Variants in PRH2 observed in about 807,000 individuals in gnomAD.
PRH2 encodes the protein proline rich protein HaeIII subfamily 2.
In PRH2, 19 loss-of-function variants were observed where a neutral mutation model predicts 22.6. The observed-to-expected ratio is 0.84, with a 90% CI of 0.59 to 1.23. The LOEUF (loss-of-function observed/expected upper bound fraction) is 1.23, where lower values mean the gene tolerates loss of function less well. Among genes scored for constraint, PRH2 ranks in the 50% most tolerant of loss-of-function variants. The probability of loss-of-function intolerance (pLI) is 0.00; values close to 1 mark genes in which losing one functional copy is unlikely to be tolerated. For missense variants in PRH2, 109 were observed against 203.0 expected (o/e 0.54, Z 2.81); for synonymous variants, 45 against 72.0 (o/e 0.63, Z 1.90).
chr12:10,933,546 C>T lies in PRH2; in HGVS notation c.*1339C>T, dbSNP rs7305629. The stretch of plus-strand genomic sequence containing the variant: ...TTAAATGACCAAGCAGACTTGATTC[C>T]AGGAATGTTAAGGAATGTTCATTAT... On this transcript the variant is annotated 3_prime_UTR_variant, in exon 4 of 4. Coordinates refer to ENST00000396400, the MANE Select transcript of PRH2 (RefSeq NM_001110213.1). 0.97 allele frequency among the ~76,000 whole-genome samples: 148,053 copies of T among 152,128 alleles called. 72,151 individuals are homozygous for T. The highest frequency in any genetic ancestry group is 1 in the Middle Eastern group (294 of 294).
intron 3 of PRH2, 199 bp downstream of exon 3, chr12:10,931,279 A>G: frequency 8.7e-7 from 1 of 1,143,466 alleles, no homozygotes; most frequent in Non-Finnish European, 1.2e-6. Flanking sequence ...TCCAATTTTG[A>G]GAATCACTAT....
At chr12:10,931,215 T>A in intron 3 of PRH2, 135 bp downstream of exon 3, 1 of 1,503,706 alleles carries the variant, frequency 6.7e-7, no homozygotes. Context: ...TTTGTTCAAA[T>A]ATTCTGGGAT....
rs1665077716 is a variant in PRH2 at position 10,934,275 on chromosome 12, T to G, written c.*2068T>G. 1.3e-5 allele frequency among the ~76,000 whole-genome samples: 2 copies of G among 152,274 alleles called. No homozygotes were observed. Among genetic ancestry groups the G allele is most frequent in the South Asian group, 2.1e-4 (1 of 4,828 alleles). On this transcript the variant is annotated 3_prime_UTR_variant, in exon 4 of 4. Transcript: ENST00000396400. ...CCACAAGAGTTTGCAGCTCTGGCTT[T>G]CTTTCTGCTCATCTGTAAAGATAAC...
intron 3 of PRH2, among the ~76,000 whole-genome samples, chr12:10,931,796 A>C (rs1276539259): frequency 6.6e-6 from 1 of 151,148 alleles, no homozygotes; most frequent in Non-Finnish European, 1.5e-5. Context: ...GTTTATTTAG[A>C]TCTCTTCAGT....
chr12:10,933,760 C>T lies in PRH2; in HGVS notation c.*1553C>T, dbSNP rs1950246559. 1.3e-5 allele frequency among the ~76,000 whole-genome samples: 2 copies of T among 151,990 alleles called. No individual in the cohort carries two copies. Among genetic ancestry groups the T allele is most frequent in the African/African-American group, 4.8e-5 (2 of 41,396 alleles). On this transcript the variant is annotated 3_prime_UTR_variant, in exon 4 of 4. Transcript: ENST00000396400. ...TAGCTGCTAACCTTATGTGTATCTG[C>T]AACACCCTGAAAAATTATCTAATAA...
chr12:10,931,227 A>G (rs1257136209), intron 3 of PRH2, 147 bp downstream of exon 3: 1 of 1,477,898 alleles, frequency 6.8e-7, no homozygotes, highest in African/African-American at 1.4e-5. Context: ...TTCTGGGATA[A>G]GGTAGCAAGA....
In PRH2 at chr12:10,932,695, C is replaced by G. The variant is rs1467214835; in HGVS notation, c.*488C>G. Among the ~76,000 whole-genome samples, 4 of 152,058 alleles carry G rather than the reference C, an allele frequency of 2.6e-5. No individual in the cohort carries two copies. Among genetic ancestry groups the G allele is most frequent in the Non-Finnish European group, 4.4e-5 (3 of 67,974 alleles). On this transcript the variant is annotated 3_prime_UTR_variant, in exon 4 of 4. Transcript: ENST00000396400. ...GTTCTATGCCTGTATTCCCCAGAAG[C>G]CACTAGACCTATTTTCCCCTATTTT...
At chr12:10,932,196 C>A (rs1748780791) in intron 3 of PRH2, 30 bp from the exon 4 acceptor site, 1 of 431,512 alleles carries the variant, frequency 2.3e-6, no homozygotes, top group Non-Finnish European at 4.8e-6. Flanking sequence ...CATGTCAAGT[C>A]TTGCCTATAA....
At chr12:10,929,417 A>G in intron 1 of PRH2, 80 bp downstream of exon 1, 3 of 1,560,786 alleles carry the variant, frequency 1.9e-6, no homozygotes, top group Non-Finnish European at 2.6e-6. Flanking sequence ...AGTGGAGGGA[A>G]GAGAGGAGGA....
At position 10,933,031 on chromosome 12, in the gene PRH2, T is replaced by C. The variant is rs1164870836; in HGVS notation, c.*824T>C. Among the ~76,000 whole-genome samples, 2 of 152,122 alleles carry C rather than the reference T, an allele frequency of 1.3e-5. No homozygotes were observed. Among genetic ancestry groups the C allele is most frequent in the East Asian group, 3.8e-4 (2 of 5,202 alleles). On this transcript the variant is annotated 3_prime_UTR_variant, in exon 4 of 4. Transcript: ENST00000396400. Reference sequence around the variant, plus strand: ...AATGAGAAGAAATGATTCATAAATTTTGAACTAACAGTAATAACTTCTTGA... The same window carrying C: ...AATGAGAAGAAATGATTCATAAATTCTGAACTAACAGTAATAACTTCTTGA...
rs779349016 is a variant in PRH2, at chr12:10,930,915, C to A, written c.354C>A (p.Pro118=). ...GACCACCCCAACAGGGAGGCCATCC[C>A]CGTCCTCCTCGAGGAAGGCCACAAG... The part of the protein sequence containing the change: ...PQGPPQQGGH[P]RPPRGRPQGP... The change falls in exon 3 of 4, where the codon CCC becomes CCA. Residue 118 remains proline (P), a synonymous_variant. Transcript: ENST00000396400. 130 of 1,608,110 alleles carry A rather than the reference C, an allele frequency of 8.1e-5. No individual in the cohort carries two copies. The highest frequency in any genetic ancestry group is 1.9e-4 in the Middle Eastern group (1 of 5,360).
chr12:10,934,498 C>T lies in PRH2; in HGVS notation c.*2291C>T, dbSNP rs1203577889. 6.6e-6 allele frequency among the ~76,000 whole-genome samples: 1 copy of T among 152,046 alleles called. No individual in the cohort carries two copies. Among genetic ancestry groups the T allele is most frequent in the Non-Finnish European group, 1.5e-5 (1 of 67,972 alleles). On this transcript the variant is annotated 3_prime_UTR_variant, in exon 4 of 4. Transcript: ENST00000396400. ...ATTATAATGAGGATACTATACAAGG[C>T]ATTTAGCATGGCTGCAAAGAGAGAG... is the stretch of plus-strand genomic sequence containing the variant.
chr12:10,934,306 C>T lies in PRH2; in HGVS notation c.*2099C>T, dbSNP rs981126301. 1.3e-5 allele frequency among the ~76,000 whole-genome samples: 2 copies of T among 152,144 alleles called. No homozygotes were observed. The highest frequency in any genetic ancestry group is 2.9e-5 in the Non-Finnish European group (2 of 67,992). Reference sequence around the variant, plus strand: ...TGCTCATCTGTAAAGATAACTACAGCTCCTCTATAAACCATCTCACCATTA... The same window carrying T: ...TGCTCATCTGTAAAGATAACTACAGTTCCTCTATAAACCATCTCACCATTA... On this transcript the variant is annotated 3_prime_UTR_variant, in exon 4 of 4. Coordinates refer to ENST00000396400, the MANE Select transcript of PRH2 (RefSeq NM_001110213.1).
chr12:10,930,374 GTCT>G (rs1950187334), intron 2 of PRH2, 70 bp downstream of exon 2: 4 of 1,557,768 alleles, frequency 2.6e-6, no homozygotes, highest in Non-Finnish European at 3.5e-6. Context: ...GTTCTCCAGT[GTCT>G]TCTTATCATC....
chr12:10,933,945 A>T lies in PRH2; in HGVS notation c.*1738A>T, dbSNP rs1239900096. ...GATCTGTTTTTCTGTCCAGAAAATAACAAGAGATTCTACTCAGGTAAAAAA... is the reference window on the plus strand; with the variant it reads ...GATCTGTTTTTCTGTCCAGAAAATATCAAGAGATTCTACTCAGGTAAAAAA... On this transcript the variant is annotated 3_prime_UTR_variant, in exon 4 of 4. Coordinates refer to ENST00000396400, the MANE Select transcript of PRH2 (RefSeq NM_001110213.1). Among the ~76,000 whole-genome samples the T allele has an allele frequency of 6.6e-6, 1 of 152,156 alleles. No individual in the cohort carries two copies. The highest frequency in any genetic ancestry group is 1.9e-4 in the East Asian group (1 of 5,204).
At chr12:10,931,314 G>A in intron 3 of PRH2, 2 of 919,416 alleles carry the variant, frequency 2.2e-6, no homozygotes, top group Non-Finnish European at 3.2e-6. Context: ...TCTTAAATAG[G>A]GTTGGGAATG....
intron 1 of PRH2, 37 bp from the exon 2 acceptor site, chr12:10,930,231 GC>G: frequency 1.2e-6 from 2 of 1,603,412 alleles, no homozygotes; most frequent in Non-Finnish European, 1.7e-6. Flanking sequence ...AATGATTCAT[GC>G]AGTAACTTTT....
Position 10,934,483 on chromosome 12 carries a change from G to A in PRH2, c.*2276G>A, listed in dbSNP as rs1407494241. Among the ~76,000 whole-genome samples, 1 of 151,980 alleles carries A rather than the reference G, an allele frequency of 6.6e-6. No homozygotes were observed. Among genetic ancestry groups the A allele is most frequent in the Admixed American group, 6.6e-5 (1 of 15,262 alleles). On this transcript the variant is annotated 3_prime_UTR_variant, in exon 4 of 4. Transcript: ENST00000396400. ...AATTATATATTTATTATTATAATGA[G>A]GATACTATACAAGGCATTTAGCATG... is the stretch of plus-strand genomic sequence containing the variant.
In PRH2 at chr12:10,930,251, C is replaced by A. The variant is rs918049470; in HGVS notation, c.65-18C>A. 6.2e-7 allele frequency: 1 copy of A among 1,612,376 alleles called. No homozygotes were observed. Among genetic ancestry groups the A allele is most frequent in the Non-Finnish European group, 8.5e-7 (1 of 1,178,408 alleles). ...TTCATGCAGTAACTTTTCCCATCAT[C>A]CTGTACTTCTTTTCTAGATGTCAGC... On this transcript the variant is annotated intron_variant, in intron 1 of 3. Transcript: ENST00000396400.
Sources: gnomAD v4.1 joint callset for allele counts (sites outside exome capture counted in the v4.1 genomes callset) on GRCh38, gnomAD v4.1.1 for gene constraint, MANE v1.5 for transcripts, NCBI Gene and HGNC (gene_info 2026-07-23, HGNC 2026-07-21) for gene names.